Variants in AKAP6 observed in about 807,000 individuals in gnomAD.
The protein encoded by AKAP6 is A-kinase anchor protein 6.
AKAP6 carries 58 observed loss-of-function variants against 188.5 expected under a neutral mutation model. That is an observed-to-expected ratio of 0.31 (90% CI 0.25 to 0.38). AKAP6 has a LOEUF of 0.38. Ranked by LOEUF, AKAP6 falls within the 10% of genes least tolerant of loss-of-function variation. AKAP6 has a pLI of 1.00. For synonymous variants in AKAP6, 989 were observed against 998.6 expected (o/e 0.99, Z 0.18); for missense variants, 2,710 against 2,740.0 (o/e 0.99, Z 0.24).
chr14:32,822,528 C>T lies in AKAP6; in HGVS notation c.4715C>T (p.Ser1572Phe), dbSNP rs2034555486. The part of the protein sequence containing the change: ...LSHSSSIESL[S>F]PGGDLFGLGI... ...CATAGTTCATCTATTGAGTCCCTTT[C>T]TCCAGGGGGTGATTTATTTGGATTG... Residue 1572 changes from serine (S) to phenylalanine (F), a missense_variant, in exon 13 of 14, where the codon TCT becomes TTT. By Grantham distance (155) the Ser-to-Phe change is radical. Transcript: ENST00000280979. The T allele has an allele frequency of 6.2e-7, 1 of 1,613,936 alleles. No homozygotes were observed. Among genetic ancestry groups the T allele is most frequent in the South Asian group, 1.1e-5 (1 of 91,088 alleles).
At chr14:32,332,714 A>G (rs1463768676) in intron 1 of AKAP6, among the ~76,000 whole-genome samples, 1 of 152,086 alleles carries the variant, frequency 6.6e-6, no homozygotes, top group Non-Finnish European at 1.5e-5. Context: ...CCTGGTGTTG[A>G]GAACAGAAGC....
chr14:32,515,049 A>T (rs1465104344), intron 2 of AKAP6, among the ~76,000 whole-genome samples: 1 of 152,218 alleles, frequency 6.6e-6, no homozygotes, highest in East Asian at 1.9e-4. Context: ...TACTAAAAAA[A>T]GACATACCTG....
intron 2 of AKAP6, chr14:32,483,995 C>T (rs1267669633): frequency 6.6e-6 from 1 of 151,354 alleles, no homozygotes; most frequent in African/African-American, 2.4e-5. Context: ...TCTCATTGTT[C>T]AACTCCCACT....
rs544790139 is a variant in AKAP6 at position 32,735,571 on chromosome 14, T to C, written c.3148-87T>C. On this transcript the variant is annotated intron_variant, in intron 10 of 13. Transcript: ENST00000280979. ...CTGTGGTGTGTTTTTGGTACCTAAG[T>C]TAATCTATGTTTTTGTTTTTTTGTT... The C allele has an allele frequency of 7.8e-6, 8 of 1,024,338 alleles. No homozygotes were observed. The South Asian group carries it at 1.2e-4, about 15-fold the overall frequency. The allele number at this position is 1,024,338 out of a possible 1,614,324, so 63.5% of individuals were successfully genotyped here.
At chr14:32,695,920 A>G in intron 8 of AKAP6, 70 bp from the exon 9 acceptor site, 1 of 1,494,256 alleles carries the variant, frequency 6.7e-7, no homozygotes, top group Admixed American at 2.3e-5. Flanking sequence ...TCAAGAATAT[A>G]TTATTCTAAT....
At chr14:32,569,883 G>A (rs1884395305) in intron 4 of AKAP6, among the ~76,000 whole-genome samples, 1 of 152,146 alleles carries the variant, frequency 6.6e-6, no homozygotes, top group South Asian at 2.1e-4. Flanking sequence ...TCCAAAGAAT[G>A]TAGCCCGTTT....
At chr14:32,567,629 C>T (rs1884260128) in intron 4 of AKAP6, among the ~76,000 whole-genome samples, 1 of 152,086 alleles carries the variant, frequency 6.6e-6, no homozygotes, top group South Asian at 2.1e-4. Context: ...AACAACAACT[C>T]AACAATCACA....
chr14:32,668,334 A>G (rs184146266), intron 7 of AKAP6, among the ~76,000 whole-genome samples: 2 of 152,188 alleles, frequency 1.3e-5, no homozygotes, highest in East Asian at 3.9e-4. Flanking sequence ...TGTTTGATAT[A>G]TTTGTTCTTC....
intron 4 of AKAP6, among the ~76,000 whole-genome samples, chr14:32,571,266 G>T (rs1450296310): frequency 6.6e-6 from 1 of 151,542 alleles, no homozygotes; most frequent in Non-Finnish European, 1.5e-5. Context: ...GCTCGTGCCT[G>T]TGATACCTTT....
At chr14:32,507,243 G>A (rs1270575911) in intron 2 of AKAP6, among the ~76,000 whole-genome samples, 1 of 152,182 alleles carries the variant, frequency 6.6e-6, no homozygotes, top group Non-Finnish European at 1.5e-5. Flanking sequence ...AAAGTAATCA[G>A]ACCTGTTCCA....
At position 32,546,931 on chromosome 14, in the gene AKAP6, T is replaced by C. The variant is rs774588021; in HGVS notation, c.2278T>C (p.Leu760=). The C allele has an allele frequency of 6.2e-7, 1 of 1,612,622 alleles. No homozygotes were observed. Among genetic ancestry groups the C allele is most frequent in the Non-Finnish European group, 8.5e-7 (1 of 1,179,990 alleles). The part of the protein sequence containing the change: ...NESHSATKSA[L]IQKLMQDIQH... Reference sequence around the variant, plus strand: ...GAGCCATTCTGCCACTAAATCAGCTTTAATTCAGAAACTGATGCAAGATAT... The same window carrying C: ...GAGCCATTCTGCCACTAAATCAGCTCTAATTCAGAAACTGATGCAAGATAT... The change falls in exon 4 of 14, where the codon TTA becomes CTA. Residue 760 remains leucine (L), a synonymous_variant. Transcript: ENST00000280979.
chr14:32,489,703 A>G (rs545970805), intron 2 of AKAP6, among the ~76,000 whole-genome samples: 59 of 152,328 alleles, frequency 3.9e-4, no homozygotes, highest in Non-Finnish European at 6.9e-4. Context: ...TAAGTAATAT[A>G]CTTTTTGACT....
At chr14:32,567,198 G>A (rs1033835658) in intron 4 of AKAP6, among the ~76,000 whole-genome samples, 3 of 152,184 alleles carry the variant, frequency 2.0e-5, no homozygotes, top group African/African-American at 7.2e-5. Context: ...TGGGATGACA[G>A]GCATGAGCCA....
At chr14:32,393,324 A>G (rs1888770361) in intron 1 of AKAP6, among the ~76,000 whole-genome samples, 2 of 152,170 alleles carry the variant, frequency 1.3e-5, no homozygotes, top group Non-Finnish European at 2.9e-5. Context: ...AAACAAACCC[A>G]AATAGAGGAA....
chr14:32,566,217 G>A (rs1330727360), intron 4 of AKAP6, among the ~76,000 whole-genome samples: 3 of 152,106 alleles, frequency 2.0e-5, no homozygotes, highest in Non-Finnish European at 4.4e-5. Context: ...TGCAGAAGTA[G>A]AAATAGAAAT....
chr14:32,755,214 A>G (rs145894691), intron 11 of AKAP6, among the ~76,000 whole-genome samples: 4 of 151,444 alleles, frequency 2.6e-5, no homozygotes, highest in East Asian at 3.9e-4. Flanking sequence ...TTTTTGTTCT[A>G]CTTACTAGGT....
chr14:32,678,519 C>T, intron 8 of AKAP6, 60 bp downstream of exon 8: 3 of 1,591,786 alleles, frequency 1.9e-6, no homozygotes, highest in Non-Finnish European at 2.6e-6. Flanking sequence ...AATGATTTTC[C>T]ACTGGTAGGT....
At chr14:32,623,555 T>C (rs952544300) in intron 7 of AKAP6, among the ~76,000 whole-genome samples, 2 of 152,126 alleles carry the variant, frequency 1.3e-5, no homozygotes, top group African/African-American at 4.8e-5. Context: ...CTCTGGACCT[T>C]ATGGCATTGC....
At chr14:32,367,236 G>A (rs1887865189) in intron 1 of AKAP6, among the ~76,000 whole-genome samples, 1 of 152,200 alleles carries the variant, frequency 6.6e-6, no homozygotes, top group African/African-American at 2.4e-5. Context: ...ACATAGATCA[G>A]TGTCGTCAGT....
Sources: gnomAD v4.1 joint callset for allele counts (sites outside exome capture counted in the v4.1 genomes callset) on GRCh38, gnomAD v4.1.1 for gene constraint, MANE v1.5 for transcripts, NCBI Gene and HGNC (gene_info 2026-07-23, HGNC 2026-07-21) for gene names.